Variants in TTBK2 observed in about 807,000 individuals in gnomAD.
TTBK2 encodes the protein tau-tubulin kinase 2.
Under a neutral mutation model 110.8 loss-of-function variants are expected in TTBK2, and 28 were observed. That is an observed-to-expected ratio of 0.25 (90% confidence interval 0.19 to 0.35). The LOEUF (loss-of-function observed/expected upper bound fraction) is 0.35. Ranked by LOEUF, TTBK2 falls within the 10% of genes least tolerant of loss-of-function variation. The pLI, the probability that TTBK2 is intolerant of heterozygous loss-of-function variation, is 1.00. For synonymous variants in TTBK2, 532 were observed against 527.3 expected (o/e 1.01, Z -0.12); for missense variants, 1,369 against 1,500.3 (o/e 0.91, Z 1.45).
intron 10 of TTBK2, among the ~76,000 whole-genome samples, chr15:42,785,114 GATT>G (rs1242730991): frequency 2.4e-5 from 3 of 122,686 alleles, no homozygotes; most frequent in Admixed American, 9.5e-5. Context: ...TTCACTTGCA[GATT>G]TTTTTTTTTT....
intron 1 of TTBK2, among the ~76,000 whole-genome samples, chr15:42,918,267 G>A (rs2031189859): frequency 6.6e-6 from 1 of 151,894 alleles, no homozygotes. Flanking sequence ...GGATCTCCCT[G>A]TGTTACTTAG....
At chr15:42,818,154 C>T (rs558379254) in intron 6 of TTBK2, among the ~76,000 whole-genome samples, 1 of 152,280 alleles carries the variant, frequency 6.6e-6, no homozygotes, top group Admixed American at 6.5e-5. Flanking sequence ...TAGTTCACAG[C>T]AGCCTCAAAT....
At chr15:42,773,089 G>A (rs538759294) in intron 13 of TTBK2, among the ~76,000 whole-genome samples, 1 of 152,136 alleles carries the variant, frequency 6.6e-6, no homozygotes, top group Non-Finnish European at 1.5e-5. Context: ...TGTAGTCCTA[G>A]TGACTTGGGA....
chr15:42,906,921 A>C (rs1224801774), intron 1 of TTBK2, among the ~76,000 whole-genome samples: 1 of 152,130 alleles, frequency 6.6e-6, no homozygotes, highest in East Asian at 1.9e-4. Flanking sequence ...GCAGTGGCTC[A>C]TGCCTATAAT....
chr15:42,745,464 C>A lies in TTBK2; in HGVS notation c.*331G>T, dbSNP rs1384881443. 3.3e-6 allele frequency: 1 copy of A among 300,326 alleles called. No individual in the cohort carries two copies. 18.6% of individuals were successfully genotyped at this position (300,326 alleles called of 1,614,324 possible). ...ATTGAGGCTTAAAAAAATTAGGCAA[C>A]CCCCCTAAAATTCCATTCTATCTCC... is the stretch of plus-strand genomic sequence containing the variant. On this transcript the variant is annotated 3_prime_UTR_variant, in exon 15 of 15. Coordinates refer to ENST00000267890, the MANE Select transcript of TTBK2 (RefSeq NM_173500.4).
At chr15:42,825,779 T>C (rs953067989) in intron 6 of TTBK2, among the ~76,000 whole-genome samples, 2 of 152,172 alleles carry the variant, frequency 1.3e-5, no homozygotes, top group African/African-American at 4.8e-5. Flanking sequence ...ATCCAAGTGC[T>C]CTATAGCCAC....
rs1472827057 is a variant in TTBK2, at chr15:42,752,970, A to G, written c.2276T>C (p.Leu759Pro). 2 of 1,614,220 alleles carry G rather than the reference A, an allele frequency of 1.2e-6. No individual in the cohort carries two copies. Among genetic ancestry groups the G allele is most frequent in the East Asian group, 4.5e-5 (2 of 44,888 alleles). ...CACAACCAGTCTATTATGATCAGGA[A>G]GTTCTTTTGGTCCCAGGTCTTGAGA... ...NKSQDLGPKE[L>P]PDHNRLVVRE... is the part of the protein sequence containing the mutation. Residue 759 changes from leucine to proline, a missense_variant, in exon 14 of 15, where the codon CTT (leucine) becomes CCT (proline). By Grantham distance (98) the Leu-to-Pro change is moderately conservative. Transcript: ENST00000267890.
intron 2 of TTBK2, among the ~76,000 whole-genome samples, chr15:42,877,665 T>C (rs1179261715): frequency 6.6e-6 from 1 of 152,190 alleles, no homozygotes; most frequent in African/African-American, 2.4e-5. Context: ...ATTACTTTTT[T>C]TTAGTACTAC....
rs563908569 is a variant in TTBK2, at chr15:42,839,378, T to C, written c.291+982A>G. On this transcript the variant is annotated intron_variant, in intron 4 of 14. Transcript: ENST00000267890. ...GGGCATGTAAGGTTAATTCCACTTG[T>C]TTGCTATTGTGAATAGTGCTGCAAT... Among the ~76,000 whole-genome samples the C allele has an allele frequency of 3.2e-4, 49 of 152,340 alleles. 1 individual carries two copies. The South Asian group carries it at 5.2e-3, about 16-fold the overall frequency.
chr15:42,918,915 T>TA (rs1307461525), intron 1 of TTBK2, among the ~76,000 whole-genome samples: 1 of 152,182 alleles, frequency 6.6e-6, no homozygotes, highest in African/African-American at 2.4e-5. Flanking sequence ...CTCAGCCCCC[T>TA]AACCAATGTA....
intron 3 of TTBK2, among the ~76,000 whole-genome samples, chr15:42,870,222 A>G (rs1894562175): frequency 1.3e-5 from 2 of 152,146 alleles, no homozygotes; most frequent in African/African-American, 4.8e-5. Context: ...AGCTTGATTC[A>G]TTAGAGAATT....
intron 3 of TTBK2, among the ~76,000 whole-genome samples, chr15:42,856,285 G>A (rs1335222105): frequency 6.6e-6 from 1 of 151,912 alleles, no homozygotes; most frequent in Non-Finnish European, 1.5e-5. Context: ...ATGAAGGATG[G>A]AAGAACACAT....
intron 6 of TTBK2, among the ~76,000 whole-genome samples, chr15:42,822,404 T>G (rs2140964424): frequency 6.6e-6 from 1 of 152,302 alleles, no homozygotes; most frequent in Middle Eastern, 3.4e-3. Flanking sequence ...GAGCATATTT[T>G]ATTTGATACC....
At chr15:42,912,388 A>G (rs932192060) in intron 1 of TTBK2, among the ~76,000 whole-genome samples, 1 of 152,240 alleles carries the variant, frequency 6.6e-6, no homozygotes, top group African/African-American at 2.4e-5. Context: ...TAGCAGTTTT[A>G]TAACTGTCAT....
At chr15:42,915,345 G>T (rs1009981519) in intron 1 of TTBK2, among the ~76,000 whole-genome samples, 1 of 152,202 alleles carries the variant, frequency 6.6e-6, no homozygotes. Context: ...GTATAGCAGT[G>T]CTTGTGTTCA....
At chr15:42,874,365 G>A (rs1167454298) in intron 2 of TTBK2, among the ~76,000 whole-genome samples, 1 of 151,514 alleles carries the variant, frequency 6.6e-6, no homozygotes, top group Non-Finnish European at 1.5e-5. Context: ...TGCCAGGGCT[G>A]GAGTGCAGTG....
At chr15:42,769,195 T>G (rs8035912) in intron 13 of TTBK2, among the ~76,000 whole-genome samples, 18,106 of 152,022 alleles carry the variant, frequency 0.12, 2,843 homozygotes, top group African/African-American at 0.36. Flanking sequence ...CAGGACATAG[T>G]CATGGGCAAG....
chr15:42,859,226 C>A (rs1176617260), intron 3 of TTBK2, among the ~76,000 whole-genome samples: 1 of 152,144 alleles, frequency 6.6e-6, no homozygotes, highest in East Asian at 1.9e-4. Flanking sequence ...CACCTCTCAG[C>A]CTCCTGAGTA....
chr15:42,912,892 G>A (rs1487626177), intron 1 of TTBK2, among the ~76,000 whole-genome samples: 1 of 151,776 alleles, frequency 6.6e-6, no homozygotes, highest in African/African-American at 2.4e-5. Context: ...TTGGGAGGCC[G>A]AGGCAGGTGG....
Sources: allele counts gnomAD v4.1 joint callset (sites outside exome capture counted in the v4.1 genomes callset), GRCh38; gene constraint gnomAD v4.1.1; transcripts MANE v1.5; gene names NCBI Gene and HGNC (gene_info 2026-07-23, HGNC 2026-07-21).